SPSB1: variants seen among roughly 807,000 people sequenced by gnomAD.
SPSB1 encodes the protein SPRY domain-containing SOCS box protein 1.
Under a neutral mutation model 21.2 loss-of-function variants are expected in SPSB1, and 8 were observed. That is an observed-to-expected ratio of 0.38 (90% confidence interval 0.22 to 0.68). The LOEUF (loss-of-function observed/expected upper bound fraction) is 0.68, where lower values mean the gene tolerates loss of function less well. SPSB1 is among the 30% of genes least tolerant of loss of function. The pLI, the probability that SPSB1 is intolerant of heterozygous loss-of-function variation, is 0.53. For missense variants in SPSB1, 242 were observed against 377.8 expected (o/e 0.64, Z 2.98); for synonymous variants, 169 against 161.7 (o/e 1.05, Z -0.34).
intron 1 of SPSB1, among the ~76,000 whole-genome samples, chr1:9,303,997 T>G (rs1009526910): frequency 2.0e-5 from 3 of 152,138 alleles, no homozygotes; most frequent in African/African-American, 7.2e-5. Context: ...GTGAGGGTGT[T>G]TTTGGCATTG....
rs1215557315 is a variant in SPSB1, at chr1:9,348,812, T to C, written c.-149-6931T>C. On this transcript the variant is annotated intron_variant, in intron 1 of 2. Coordinates refer to ENST00000328089, the MANE Select transcript of SPSB1 (RefSeq NM_025106.4). This position sits in a 1 kb window ranked among gnomAD's most constrained non-coding sequence, Gnocchi z 4.8. Reference sequence around the variant, plus strand: ...GCTGCCACCGAGAAATCCAGTAGGGTCACGCGGCTCTGATGGGTGTTTGGA... The same window carrying C: ...GCTGCCACCGAGAAATCCAGTAGGGCCACGCGGCTCTGATGGGTGTTTGGA... Among the ~76,000 whole-genome samples the C allele has an allele frequency of 2.0e-5, 3 of 149,274 alleles. No homozygotes were observed. Among genetic ancestry groups the C allele is most frequent in the African/African-American group, 7.4e-5 (3 of 40,308 alleles).
At chr1:9,311,330 C>G (rs190735173) in intron 1 of SPSB1, among the ~76,000 whole-genome samples, 1 of 152,164 alleles carries the variant, frequency 6.6e-6, no homozygotes. Flanking sequence ...TTCTTTCTTC[C>G]CCCTGATGGG....
At chr1:9,358,348 G>A (rs575595505) in intron 2 of SPSB1, among the ~76,000 whole-genome samples, 17 of 152,230 alleles carry the variant, frequency 1.1e-4, no homozygotes, top group East Asian at 1.9e-4. Flanking sequence ...GCAGCCTGGC[G>A]CCCCCAGGTC....
At chr1:9,364,176 G>A (rs569169364) in intron 2 of SPSB1, among the ~76,000 whole-genome samples, 6 of 152,314 alleles carry the variant, frequency 3.9e-5, no homozygotes, top group East Asian at 1.9e-4. Context: ...ACTTTCCGGC[G>A]GGGGCTGAGC....
chr1:9,295,187 A>C (rs1294877610), intron 1 of SPSB1, among the ~76,000 whole-genome samples: 1 of 148,666 alleles, frequency 6.7e-6, no homozygotes, highest in Non-Finnish European at 1.5e-5. Context: ...TACCCAGTAG[A>C]TGGAGTGTGT....
In SPSB1 at chr1:9,357,719, C is replaced by G. The variant is rs771205102; in HGVS notation, c.694+1134C>G. Among the ~76,000 whole-genome samples the G allele has an allele frequency of 3.3e-4, 51 of 152,310 alleles. 1 individual carries two copies. The highest frequency in any genetic ancestry group is 6.8e-3 in the Middle Eastern group (2 of 294). ...GGGAAGGGGAGTGGCCTTTCTCAGA[C>G]TGTGAATGCAGCCCATGTGTAGGGG... On this transcript the variant is annotated intron_variant, in intron 2 of 2. Transcript: ENST00000328089.
chr1:9,299,668 A>G (rs1278339633), intron 1 of SPSB1, among the ~76,000 whole-genome samples: 4 of 152,082 alleles, frequency 2.6e-5, no homozygotes, highest in South Asian at 4.1e-4. Context: ...TAGTAGAGAC[A>G]GGGTTTCACT....
At chr1:9,325,431 TAGCAGGTCTG>T (rs1639802354) in intron 1 of SPSB1, among the ~76,000 whole-genome samples, 1 of 152,094 alleles carries the variant, frequency 6.6e-6, no homozygotes, top group African/African-American at 2.4e-5. Flanking sequence ...GAAGGTTCCA[TAGCAGGTCTG>T]GGACAGAGAG....
At chr1:9,316,776 G>A (rs555817733) in intron 1 of SPSB1, among the ~76,000 whole-genome samples, 88 of 152,332 alleles carry the variant, frequency 5.8e-4, no homozygotes, top group African/African-American at 2.0e-3. Flanking sequence ...CTGGGTCTGG[G>A]GGCCGCAGCA....
rs550649233 is a variant in SPSB1, at chr1:9,346,779, G to A, written c.-149-8964G>A. Among the ~76,000 whole-genome samples, 1 of 152,314 alleles carries A rather than the reference G, an allele frequency of 6.6e-6. No individual in the cohort carries two copies. Among genetic ancestry groups the A allele is most frequent in the East Asian group, 1.9e-4 (1 of 5,182 alleles). ...GTTTCTGATGGGGCCACCTCACCTG[G>A]CCTTTGCCACATGCAGAGCTGCTGT... On this transcript the variant is annotated intron_variant, in intron 1 of 2. Coordinates refer to ENST00000328089, the MANE Select transcript of SPSB1 (RefSeq NM_025106.4). The surrounding 1 kb of genome is among the most constrained non-coding windows in gnomAD (Gnocchi z 4.4).
Position 9,329,017 on chromosome 1 carries a change from C to T in SPSB1, c.-149-26726C>T, listed in dbSNP as rs544748653. On this transcript the variant is annotated intron_variant, in intron 1 of 2. Transcript: ENST00000328089. ...AACCACTGCTCTGTCCTACTAGGGG[C>T]GGGCCCTGCATTTGCTGGAATTTGC... Among the ~76,000 whole-genome samples, 5 of 152,278 alleles carry T rather than the reference C, an allele frequency of 3.3e-5. No homozygotes were observed. The South Asian group carries it at 8.3e-4, about 25-fold the overall frequency.
In SPSB1 at chr1:9,369,393, C is replaced by G. The variant is rs985612399; in HGVS notation, c.*1818C>G. 3 of 152,174 alleles carry G rather than the reference C, an allele frequency of 2.0e-5. No individual in the cohort carries two copies. The highest frequency in any genetic ancestry group is 3.2e-3 in the Middle Eastern group (1 of 316). 9.4% of individuals were successfully genotyped at this position (152,174 alleles called of 1,614,324 possible). A position where few individuals can be genotyped will look rare whatever the true frequency, so the allele number is the denominator to read the frequency against. The stretch of plus-strand genomic sequence containing the variant: ...TCTCTGCATCTCCCACCCCCCGACA[C>G]CCTGGGACCCTCGACCCCACCCTTC... On this transcript the variant is annotated 3_prime_UTR_variant, in exon 3 of 3. Coordinates refer to ENST00000328089, the MANE Select transcript of SPSB1 (RefSeq NM_025106.4).
chr1:9,329,737 A>G (rs967905701), intron 1 of SPSB1, among the ~76,000 whole-genome samples: 1 of 151,598 alleles, frequency 6.6e-6, no homozygotes, highest in African/African-American at 2.4e-5. Flanking sequence ...AAAGAAAGAA[A>G]GAAGTTAGTG....
intron 1 of SPSB1, among the ~76,000 whole-genome samples, chr1:9,355,100 C>T (rs1034653199): frequency 1.3e-5 from 2 of 152,236 alleles, no homozygotes; most frequent in African/African-American, 4.8e-5. Flanking sequence ...GAATCGAGGC[C>T]TTCCCTTGAG....
At chr1:9,359,325 G>A (rs997733691) in intron 2 of SPSB1, among the ~76,000 whole-genome samples, 1 of 152,218 alleles carries the variant, frequency 6.6e-6, no homozygotes, top group Non-Finnish European at 1.5e-5. Flanking sequence ...GATAGGGTGA[G>A]GCGCGGGTGT....
intron 1 of SPSB1, among the ~76,000 whole-genome samples, chr1:9,298,149 C>CT (rs1639256051): frequency 6.6e-6 from 1 of 151,738 alleles, no homozygotes; most frequent in Non-Finnish European, 1.5e-5. Flanking sequence ...GATAGTTAAT[C>CT]ATGGTGTTCC....
In SPSB1 at chr1:9,304,048, G is replaced by A. The variant is rs72470184; in HGVS notation, c.-150+10977G>A. Among the ~76,000 whole-genome samples, 111 of 152,332 alleles carry A rather than the reference G, an allele frequency of 7.3e-4. No homozygotes were observed. In the East Asian group the frequency reaches 9.1e-3, roughly 12 times the overall value. ...GCAGGGAGGATCTGCCCTCCATGGG[G>A]TCAGCCACCGTCCAATCAGCTGGTG... On this transcript the variant is annotated intron_variant, in intron 1 of 2. Coordinates refer to ENST00000328089, the MANE Select transcript of SPSB1 (RefSeq NM_025106.4).
intron 1 of SPSB1, among the ~76,000 whole-genome samples, chr1:9,297,430 G>A (rs1639244139): frequency 6.6e-6 from 1 of 152,166 alleles, no homozygotes; most frequent in Non-Finnish European, 1.5e-5. Flanking sequence ...GACAGTCAGA[G>A]TGTGGCCAAT....
chr1:9,358,193 A>G (rs1405846211), intron 2 of SPSB1, among the ~76,000 whole-genome samples: 2 of 152,130 alleles, frequency 1.3e-5, no homozygotes, highest in African/African-American at 4.8e-5. Flanking sequence ...GGCATGCGCA[A>G]ACGCTTACAC....
Sources: allele counts gnomAD v4.1 joint callset (sites outside exome capture counted in the v4.1 genomes callset), GRCh38; gene constraint gnomAD v4.1.1; non-coding constraint Gnocchi (gnomAD v3.1); transcripts MANE v1.5; gene names NCBI Gene and HGNC (gene_info 2026-07-23, HGNC 2026-07-21).